The following PARP8 variants were observed in gnomAD, a reference collection of about 807,000 sequenced individuals.
PARP8 encodes the protein protein mono-ADP-ribosyltransferase PARP8.
In PARP8, 51 loss-of-function variants were observed where a neutral mutation model predicts 124.1. The ratio of observed to expected loss-of-function variants is 0.41; its 90% confidence interval spans 0.33 to 0.52. The LOEUF (loss-of-function observed/expected upper bound fraction) is 0.52, where lower values mean the gene tolerates loss of function less well. Ranked by LOEUF, PARP8 falls within the 20% of genes least tolerant of loss-of-function variation. The probability of loss-of-function intolerance (pLI) is 0.21; values close to 1 mark genes in which losing one functional copy is unlikely to be tolerated. For synonymous variants in PARP8, 391 were observed against 361.5 expected (o/e 1.08, Z -0.93); for missense variants, 860 against 1,018.9 (o/e 0.84, Z 2.12).
At chr5:50,669,619 A>T (rs976996231) in intron 2 of PARP8, 2 of 152,214 alleles carry the variant, frequency 1.3e-5, no homozygotes, top group African/African-American at 2.4e-5. Flanking sequence ...TAGATACTGC[A>T]GTTAAGATTC....
intron 2 of PARP8, among the ~76,000 whole-genome samples, chr5:50,699,904 G>A (rs1006684185): frequency 8.5e-5 from 13 of 152,108 alleles, no homozygotes; most frequent in Admixed American, 1.3e-4. Flanking sequence ...CTGACACATT[G>A]TTGACAGGAT....
intron 9 of PARP8, among the ~76,000 whole-genome samples, chr5:50,781,470 GGAAA>G (rs1396969694): frequency 2.6e-5 from 4 of 152,182 alleles, no homozygotes; most frequent in Non-Finnish European, 4.4e-5. Context: ...ATTAAGAAGA[GGAAA>G]GAAAGAGAAT....
Position 50,778,669 on chromosome 5 carries a change from T to C in PARP8, c.670+19T>C. The C allele has an allele frequency of 3.3e-6, 5 of 1,514,312 alleles. No individual in the cohort carries two copies. The highest frequency in any genetic ancestry group is 4.5e-6 in the Non-Finnish European group (5 of 1,112,830). The allele number at this position is 1,514,312 out of a possible 1,614,324, so 93.8% of individuals were successfully genotyped here. ...GGCCCAGGTTAGTTTTATTTCTTTATTTATTATTTTGAATATTAATTAGCT... is the reference window on the plus strand; with the variant it reads ...GGCCCAGGTTAGTTTTATTTCTTTACTTATTATTTTGAATATTAATTAGCT... On this transcript the variant is annotated intron_variant, in intron 9 of 25. Transcript: ENST00000281631.
At chr5:50,835,379 CTAAAAATA>C (rs1747459555) in intron 25 of PARP8, among the ~76,000 whole-genome samples, 1 of 152,076 alleles carries the variant, frequency 6.6e-6, no homozygotes, top group African/African-American at 2.4e-5. Flanking sequence ...GCTATCTCTA[CTAAAAATA>C]CAAAAATTAG....
At chr5:50,749,167 C>G (rs1461273811) in intron 2 of PARP8, among the ~76,000 whole-genome samples, 1 of 152,120 alleles carries the variant, frequency 6.6e-6, no homozygotes, top group Non-Finnish European at 1.5e-5. Flanking sequence ...TAAGTGATTT[C>G]TGATTATATT....
At chr5:50,837,106 A>G (rs1053558354) in intron 25 of PARP8, among the ~76,000 whole-genome samples, 4 of 152,164 alleles carry the variant, frequency 2.6e-5, no homozygotes, top group Non-Finnish European at 5.9e-5. Flanking sequence ...GAATTTCTGT[A>G]TTTCATAAGC....
chr5:50,808,658 C>T (rs950923770), intron 14 of PARP8, among the ~76,000 whole-genome samples: 2 of 151,960 alleles, frequency 1.3e-5, no homozygotes, highest in African/African-American at 4.8e-5. Context: ...TACAGCTATC[C>T]GTTTGGGAAC....
intron 10 of PARP8, among the ~76,000 whole-genome samples, chr5:50,791,364 G>A (rs1269082534): frequency 6.6e-6 from 1 of 152,114 alleles, no homozygotes; most frequent in Non-Finnish European, 1.5e-5. Context: ...GCCCAGAGAG[G>A]TTGAGCAGCT....
chr5:50,825,037 G>GA (rs1746190232), intron 18 of PARP8, 62 bp downstream of exon 18: 3 of 1,374,928 alleles, frequency 2.2e-6, no homozygotes, highest in Non-Finnish European at 3.1e-6. Context: ...TTGATTTAAG[G>GA]AAAAAAACCA....
At chr5:50,714,067 T>A (rs954872421) in intron 2 of PARP8, among the ~76,000 whole-genome samples, 1 of 151,750 alleles carries the variant, frequency 6.6e-6, no homozygotes, top group African/African-American at 2.4e-5. Flanking sequence ...ATGATTTTTC[T>A]TTTCTTTTCT....
At chr5:50,841,846 C>A (rs993229988) in intron 25 of PARP8, 120 bp from the exon 26 acceptor site, 2 of 624,354 alleles carry the variant, frequency 3.2e-6, no homozygotes, top group Non-Finnish European at 5.4e-6. Flanking sequence ...TGAAAAACAA[C>A]CGTATAATTT....
rs186498610 is a variant in PARP8 at position 50,669,997 on chromosome 5, A to G, written c.146+1872A>G. ...TCTCAAAAGCTTGTTCTAAAATACA[A>G]TATGTAAAAAGTTGTTACAGTGTAG... On this transcript the variant is annotated intron_variant, in intron 2 of 25. Transcript: ENST00000281631. Among the ~76,000 whole-genome samples the G allele has an allele frequency of 9.2e-4, 140 of 152,356 alleles. 1 individual carries two copies. Among genetic ancestry groups the G allele is most frequent in the African/African-American group, 3.2e-3 (135 of 41,594 alleles).
chr5:50,794,790 G>A (rs1742341256), intron 11 of PARP8, 63 bp from the exon 12 acceptor site: 1 of 1,417,126 alleles, frequency 7.1e-7, no homozygotes. Flanking sequence ...AGCATGACAA[G>A]CTTTCTTCAT....
intron 3 of PARP8, among the ~76,000 whole-genome samples, chr5:50,752,182 A>T (rs1331523625): frequency 6.6e-6 from 1 of 152,076 alleles, no homozygotes; most frequent in Non-Finnish European, 1.5e-5. Context: ...TTGAGGTGTC[A>T]TATCTACTTT....
chr5:50,715,247 T>C (rs1755182275), intron 2 of PARP8, among the ~76,000 whole-genome samples: 1 of 152,038 alleles, frequency 6.6e-6, no homozygotes, highest in Admixed American at 6.6e-5. Flanking sequence ...CAGTTATCGC[T>C]CTTTAGTAAC....
chr5:50,844,741 G>C lies in PARP8; in HGVS notation c.*2673G>C, dbSNP rs564239832. 9 of 151,712 alleles carry C rather than the reference G, an allele frequency of 5.9e-5. 1 individual carries two copies. In the East Asian group the frequency reaches 1.7e-3, roughly 29 times the overall value. 9.4% of individuals were successfully genotyped at this position (151,712 alleles called of 1,614,324 possible). ...GGGGAAGAAAATTATTAATTTATTA[G>C]TTCTACTTTTTCCTGCATTGCTTAT... On this transcript the variant is annotated 3_prime_UTR_variant, in exon 26 of 26. Transcript: ENST00000281631.
intron 14 of PARP8, among the ~76,000 whole-genome samples, chr5:50,807,836 T>G (rs564134926): frequency 6.6e-6 from 1 of 152,104 alleles, no homozygotes; most frequent in Non-Finnish European, 1.5e-5. Context: ...AATTATGATC[T>G]CATTCTCTTC....
At chr5:50,766,373 A>C (rs1761062582) in intron 7 of PARP8, among the ~76,000 whole-genome samples, 1 of 152,218 alleles carries the variant, frequency 6.6e-6, no homozygotes, top group African/African-American at 2.4e-5. Flanking sequence ...TTTCATTGTA[A>C]ATGTACCTCC....
intron 2 of PARP8, among the ~76,000 whole-genome samples, chr5:50,678,048 T>C (rs1354885655): frequency 6.6e-6 from 1 of 152,124 alleles, no homozygotes; most frequent in African/African-American, 2.4e-5. Flanking sequence ...TAACTTATGG[T>C]TTTAGAATGT....
Sources: allele counts gnomAD v4.1 joint callset (sites outside exome capture counted in the v4.1 genomes callset), GRCh38; gene constraint gnomAD v4.1.1; transcripts MANE v1.5; gene names NCBI Gene and HGNC (gene_info 2026-07-23, HGNC 2026-07-21).